The following NPM1 variants were observed in gnomAD, a reference collection of about 807,000 sequenced individuals.
NPM1 encodes nucleophosmin.
Under a neutral mutation model 44.1 loss-of-function variants are expected in NPM1, and 1 was observed. That is an observed-to-expected ratio of 0.02 (90% CI 0.01 to 0.11). The LOEUF (loss-of-function observed/expected upper bound fraction) is 0.11, where lower values mean the gene tolerates loss of function less well. Among genes scored for constraint, NPM1 ranks in the 10% least tolerant of loss-of-function variants. NPM1 has a pLI of 1.00. For synonymous variants in NPM1, 126 were observed against 111.8 expected (o/e 1.13, Z -0.80); for missense variants, 197 against 347.8 (o/e 0.57, Z 3.45).
rs140561876 is a variant in NPM1 at position 171,406,374 on chromosome 5, C to A, written c.771+971C>A. 295 of 1,603,092 alleles carry A rather than the reference C, an allele frequency of 1.8e-4. 1 individual carries two copies. The highest frequency in any genetic ancestry group is 2.4e-4 in the Non-Finnish European group (279 of 1,170,848). On this transcript the variant is annotated intron_variant, in intron 9 of 10. Transcript: ENST00000296930. ...CCCTCCCCTCCATTTTAATATGGTC[C>A]TATCTCCTTGGTTTAATTGCAGGCG...
rs766975341 is a variant in NPM1 at position 171,390,096 on chromosome 5, A to G, written c.104A>G (p.Asn35Ser). 2 of 1,579,232 alleles carry G rather than the reference A, an allele frequency of 1.3e-6. No homozygotes were observed. Among genetic ancestry groups the G allele is most frequent in the Admixed American group, 3.8e-5 (2 of 53,022 alleles). ...ADKDYHFKVD[N>S]DENEHQLSLR... ...AAAGATTATCACTTTAAGGTGGATA[A>G]TGATGAAAATGAGCACCAGTTATCT... The change falls in exon 2 of 11, where the codon AAT (asparagine) becomes AGT (serine). Residue 35 changes from asparagine to serine, a missense_variant. Asn to Ser is a conservative substitution (Grantham distance 46, BLOSUM62 1). Coordinates refer to ENST00000296930, the MANE Select transcript of NPM1 (RefSeq NM_002520.7).
At chr5:171,394,951 G>A (rs982117032) in intron 6 of NPM1, among the ~76,000 whole-genome samples, 9 of 152,068 alleles carry the variant, frequency 5.9e-5, no homozygotes, top group African/African-American at 2.2e-4. Context: ...GGCTGAGGTG[G>A]GTGGATCACT....
upstream of NPM1, chr5:171,387,566 T>G: frequency 8.5e-6 from 2 of 235,176 alleles, no homozygotes; most frequent in South Asian, 1.3e-4. Flanking sequence ...CGTGGAAGGG[T>G]TGGAGGTGGG....
chr5:171,407,601 G>T, intron 9 of NPM1, 99 bp from the exon 10 acceptor site: 2 of 741,114 alleles, frequency 2.7e-6, no homozygotes, highest in South Asian at 1.5e-5. Flanking sequence ...AGAATAAACT[G>T]ATCCATGTAG....
At position 171,410,650 on chromosome 5, in the gene NPM1, T is replaced by C. The variant is rs1431236156; in HGVS notation, c.*85T>C. 4.1e-6 allele frequency: 3 copies of C among 740,130 alleles called. No homozygotes were observed. Among genetic ancestry groups the C allele is most frequent in the African/African-American group, 3.6e-5 (2 of 56,150 alleles). 45.8% of individuals were successfully genotyped at this position (740,130 alleles called of 1,614,324 possible). ...TGATATCTGGCTGTCCTTTTTATAATGCAGAGTGAGAACTTTCCCTACCGT... is the reference window on the plus strand; with the variant it reads ...TGATATCTGGCTGTCCTTTTTATAACGCAGAGTGAGAACTTTCCCTACCGT... On this transcript the variant is annotated 3_prime_UTR_variant, in exon 11 of 11. Transcript: ENST00000296930.
At chr5:171,410,466 T>C (rs2113300238) in intron 10 of NPM1, 61 bp from the exon 11 acceptor site, 1 of 1,016,736 alleles carries the variant, frequency 9.8e-7, no homozygotes, top group South Asian at 1.5e-5. Flanking sequence ...AGACATTTAA[T>C]TTATTGATGT....
Position 171,391,814 on chromosome 5 carries a change from T to C in NPM1, c.352+15T>C. The C allele has an allele frequency of 1.4e-6, 2 of 1,466,344 alleles. No homozygotes were observed. The highest frequency in any genetic ancestry group is 1.9e-6 in the Non-Finnish European group (2 of 1,048,608). The allele number at this position is 1,466,344 out of a possible 1,614,324, so 90.8% of individuals were successfully genotyped here. A position where few individuals can be genotyped will look rare whatever the true frequency, so the allele number is the denominator to read the frequency against. The stretch of plus-strand genomic sequence containing the variant: ...GCACTTAGTAGGTATGTTATTTTTA[T>C]ATATTATACTACTTAGTTTGTCCTC... On this transcript the variant is annotated intron_variant, in intron 4 of 10. Coordinates refer to ENST00000296930, the MANE Select transcript of NPM1 (RefSeq NM_002520.7).
At chr5:171,400,972 A>T in intron 8 of NPM1, 47 bp downstream of exon 8, 1 of 1,268,730 alleles carries the variant, frequency 7.9e-7, no homozygotes, top group Non-Finnish European at 1.2e-6. Flanking sequence ...TAGTTGGGGA[A>T]AAAGATTCTA....
intron 8 of NPM1, among the ~76,000 whole-genome samples, chr5:171,401,313 T>C (rs1771185221): frequency 6.6e-6 from 1 of 151,392 alleles, no homozygotes; most frequent in South Asian, 2.1e-4. Flanking sequence ...ATTGCACCAC[T>C]GCACTCCAGC....
intron 9 of NPM1, chr5:171,407,043 A>G (rs1259882710): frequency 1.3e-5 from 2 of 152,764 alleles, no homozygotes; most frequent in East Asian, 1.9e-4. Context: ...ATACTGTTGT[A>G]GTTTCTTGCC....
intron 10 of NPM1, among the ~76,000 whole-genome samples, chr5:171,410,218 C>T (rs201271962): frequency 6.6e-6 from 1 of 151,884 alleles, no homozygotes; most frequent in Admixed American, 6.6e-5. Context: ...AAGCTGATCT[C>T]GGGAGATGAA....
intron 7 of NPM1, 97 bp downstream of exon 7, chr5:171,400,307 T>TGGGAGATCATCTCATGCTGA: frequency 8.1e-7 from 1 of 1,234,268 alleles, no homozygotes; most frequent in Non-Finnish European, 1.2e-6. Context: ...GAAGCTGGTG[T>TGGGAGATCATCTCATGCTGA]GGGAGATCAT....
At chr5:171,396,107 G>A (rs1770869177) in intron 6 of NPM1, among the ~76,000 whole-genome samples, 1 of 151,994 alleles carries the variant, frequency 6.6e-6, no homozygotes, top group Non-Finnish European at 1.5e-5. Flanking sequence ...AGCCTCCCAA[G>A]TAGCTGGGAT....
chr5:171,403,257 C>T (rs1309121364), intron 8 of NPM1, among the ~76,000 whole-genome samples: 1 of 89,252 alleles, frequency 1.1e-5, no homozygotes, highest in African/African-American at 4.2e-5. Context: ...GCACATCTTG[C>T]ACCGCCCTTA....
rs143284481 is a variant in NPM1, at chr5:171,397,122, CT to C, written c.525-3028del. Among the ~76,000 whole-genome samples the C allele has an allele frequency of 4.1e-3, 617 of 152,200 alleles. 15 individuals carry two copies. The East Asian group carries it at 0.062, about 15-fold the overall frequency. Reference sequence around the variant, plus strand: ...TCAGCTCTAGTCAACCACGAATGAACTTTGTCTATAGGTTTCCTGTCCCTCA... The same window carrying C: ...TCAGCTCTAGTCAACCACGAATGAACTTGTCTATAGGTTTCCTGTCCCTCA... On this transcript the variant is annotated intron_variant, in intron 6 of 10. Transcript: ENST00000296930.
At chr5:171,402,915 C>T (rs970183764) in intron 8 of NPM1, among the ~76,000 whole-genome samples, 1 of 145,986 alleles carries the variant, frequency 6.8e-6, no homozygotes, top group African/African-American at 2.5e-5. Flanking sequence ...GTCAATTAAA[C>T]CTCTTTTCTT....
At chr5:171,402,051 TC>T (rs1771229503) in intron 8 of NPM1, among the ~76,000 whole-genome samples, 3 of 139,024 alleles carry the variant, frequency 2.2e-5, no homozygotes, top group South Asian at 2.5e-4. Flanking sequence ...TTTTCTGATT[TC>T]CTTTTTTTTT....
chr5:171,400,555 G>C lies in NPM1; in HGVS notation c.583-284G>C, dbSNP rs186993373. On this transcript the variant is annotated intron_variant, in intron 7 of 10. Coordinates refer to ENST00000296930, the MANE Select transcript of NPM1 (RefSeq NM_002520.7). Reference sequence around the variant, plus strand: ...CACTGCAACTTCTGCCTCCCGGGTTGAAGCGATTCTCCTGCCTCAGCCTCC... The same window carrying C: ...CACTGCAACTTCTGCCTCCCGGGTTCAAGCGATTCTCCTGCCTCAGCCTCC... 8.0e-4 allele frequency among the ~76,000 whole-genome samples: 120 copies of C among 150,874 alleles called. No homozygotes were observed. The East Asian group carries it at 0.019, about 24-fold the overall frequency.
At chr5:171,400,366 G>A (rs995230373) in intron 7 of NPM1, among the ~76,000 whole-genome samples, 156 bp downstream of exon 7, 1 of 149,538 alleles carries the variant, frequency 6.7e-6, no homozygotes, top group Non-Finnish European at 1.5e-5. Flanking sequence ...ACTTAAGAGT[G>A]GGGAATGGTC....
Sources: allele counts gnomAD v4.1 joint callset (sites outside exome capture counted in the v4.1 genomes callset), GRCh38; gene constraint gnomAD v4.1.1; transcripts MANE v1.5; gene names NCBI Gene and HGNC (gene_info 2026-07-23, HGNC 2026-07-21).